Variants in MBNL2 observed in about 807,000 individuals in gnomAD.
The protein encoded by MBNL2 is muscleblind-like protein 2.
Under a neutral mutation model 41.9 loss-of-function variants are expected in MBNL2, and 17 were observed. That is an observed-to-expected ratio of 0.41 (90% CI 0.28 to 0.61). The LOEUF (loss-of-function observed/expected upper bound fraction) is 0.61, where lower values mean the gene tolerates loss of function less well. Among genes scored for constraint, MBNL2 ranks in the 20% least tolerant of loss-of-function variants. The pLI is 0.35. For missense variants in MBNL2, 336 were observed against 505.6 expected (o/e 0.66, Z 3.22); for synonymous variants, 195 against 182.9 (o/e 1.07, Z -0.53).
the MBNL2 span, among the ~76,000 whole-genome samples, chr13:97,174,003 A>G: frequency 6.6e-6 from 1 of 152,188 alleles, no homozygotes; most frequent in Admixed American, 6.5e-5. Flanking sequence ...TCACTAGTTT[A>G]TAAGTTCTTT....
intron 8 of MBNL2, among the ~76,000 whole-genome samples, chr13:97,382,909 C>G (rs1157707824): frequency 1.3e-5 from 2 of 151,828 alleles, no homozygotes; most frequent in Non-Finnish European, 2.9e-5. Flanking sequence ...TTGATTTTAC[C>G]TTTTCTGGCA....
At chr13:97,172,330 T>C in the MBNL2 span, 8 of 152,188 alleles carry the variant, frequency 5.3e-5, 1 homozygote, top group Admixed American at 2.6e-4. Context: ...GGTAAAGTGC[T>C]AGCAATCTAT....
upstream of MBNL2, among the ~76,000 whole-genome samples, chr13:97,218,031 A>G (rs927950858): frequency 2.0e-5 from 3 of 152,198 alleles, no homozygotes; most frequent in Admixed American, 2.0e-4. Flanking sequence ...TGATGCTTTC[A>G]CTTATTGAAA....
In MBNL2 at chr13:97,268,021, A is replaced by G. The variant is rs1048844310; in HGVS notation, c.-604-7611A>G. Among the ~76,000 whole-genome samples, 1 of 152,188 alleles carries G rather than the reference A, an allele frequency of 6.6e-6. No homozygotes were observed. The highest frequency in any genetic ancestry group is 2.1e-4 in the South Asian group (1 of 4,838). Reference sequence around the variant, plus strand: ...GATTGCTCGTCCTCGTTGTCAGGGTATCTGATCCAGGACCTTGGTGGTGGG... The same window carrying G: ...GATTGCTCGTCCTCGTTGTCAGGGTGTCTGATCCAGGACCTTGGTGGTGGG... On this transcript the variant is annotated intron_variant, in intron 1 of 8. Coordinates refer to ENST00000679496, the MANE Select transcript of MBNL2 (RefSeq NM_001382683.1). This position sits in a 1 kb window ranked among gnomAD's most constrained non-coding sequence, Gnocchi z 4.6.
At chr13:97,171,935 T>C in the MBNL2 span, among the ~76,000 whole-genome samples, 1 of 152,180 alleles carries the variant, frequency 6.6e-6, no homozygotes, top group Non-Finnish European at 1.5e-5. Context: ...CCTGCTGCTA[T>C]GTAAGATGTG....
the MBNL2 span, among the ~76,000 whole-genome samples, chr13:97,157,294 G>A: frequency 4.2e-5 from 6 of 143,422 alleles, no homozygotes; most frequent in South Asian, 2.4e-4. Context: ...GAGATTTTGG[G>A]CTGAGACAAT....
the MBNL2 span, among the ~76,000 whole-genome samples, chr13:97,207,398 G>A: frequency 2.0e-5 from 3 of 152,160 alleles, no homozygotes; most frequent in Non-Finnish European, 4.4e-5. Context: ...ACAGTTCCAC[G>A]TGGCTGGGGA....
intron 2 of MBNL2, among the ~76,000 whole-genome samples, chr13:97,286,445 A>G (rs1445507017): frequency 6.6e-6 from 1 of 152,184 alleles, no homozygotes; most frequent in African/African-American, 2.4e-5. Context: ...CCCCAGTCCA[A>G]ACCACCATCG....
At chr13:97,149,788 A>G in the MBNL2 span, among the ~76,000 whole-genome samples, 1 of 152,196 alleles carries the variant, frequency 6.6e-6, no homozygotes, top group Admixed American at 6.5e-5. Flanking sequence ...CCACCCCTAC[A>G]GTTTTTTCTA....
chr13:97,367,525 G>A (rs959567345), intron 8 of MBNL2, among the ~76,000 whole-genome samples: 2 of 152,172 alleles, frequency 1.3e-5, no homozygotes, highest in South Asian at 2.1e-4. Context: ...GGGGGATCAC[G>A]GCAGTCCCAA....
intron 2 of MBNL2, among the ~76,000 whole-genome samples, chr13:97,313,993 T>C (rs2058823326): frequency 6.6e-6 from 1 of 152,190 alleles, no homozygotes; most frequent in South Asian, 2.1e-4. Context: ...TGGAAACCTC[T>C]CAGTAATATG....
At chr13:97,217,699 C>G (rs2040491802), upstream of MBNL2, among the ~76,000 whole-genome samples, 1 of 152,096 alleles carries the variant, frequency 6.6e-6, no homozygotes, top group African/African-American at 2.4e-5. Flanking sequence ...TAGTTGGGAA[C>G]TAGTTAGGGG....
intron 3 of MBNL2, among the ~76,000 whole-genome samples, chr13:97,338,705 A>G (rs571176379): frequency 6.6e-6 from 1 of 152,130 alleles, no homozygotes; most frequent in Non-Finnish European, 1.5e-5. Flanking sequence ...AGCGACCTTT[A>G]GGAGGATGGA....
chr13:97,144,781 G>A, the MBNL2 span, among the ~76,000 whole-genome samples: 8 of 152,196 alleles, frequency 5.3e-5, no homozygotes, highest in East Asian at 1.9e-4. Flanking sequence ...ACATGACGGC[G>A]GAGGATGAGG....
chr13:97,157,831 A>G, the MBNL2 span, among the ~76,000 whole-genome samples: 4 of 151,912 alleles, frequency 2.6e-5, no homozygotes, highest in East Asian at 7.7e-4. Context: ...ATCAATGTTC[A>G]TCAAGGATAT....
intron 2 of MBNL2, among the ~76,000 whole-genome samples, chr13:97,294,433 T>C (rs180781392): frequency 1.3e-5 from 2 of 152,380 alleles, no homozygotes; most frequent in East Asian, 3.9e-4. Flanking sequence ...TTTAAGAATA[T>C]GGAAGTGTTA....
intron 8 of MBNL2, among the ~76,000 whole-genome samples, chr13:97,368,347 G>T (rs954164317): frequency 1.3e-5 from 2 of 151,758 alleles, no homozygotes; most frequent in Non-Finnish European, 2.9e-5. Flanking sequence ...TGGGGAGGTC[G>T]AGGCTGCAGT....
In MBNL2 at chr13:97,366,395, C is replaced by A; in HGVS notation, c.1048+1224C>A. 1.3e-6 allele frequency: 1 copy of A among 779,452 alleles called. No homozygotes were observed. The allele number at this position is 779,452 out of a possible 1,614,324, so 48.3% of individuals were successfully genotyped here. A position where few individuals can be genotyped will look rare whatever the true frequency, so the allele number is the denominator to read the frequency against. On this transcript the variant is annotated intron_variant, in intron 8 of 8. Coordinates refer to ENST00000679496, the MANE Select transcript of MBNL2 (RefSeq NM_001382683.1). The surrounding 1 kb of genome is among the most constrained non-coding windows in gnomAD (Gnocchi z 4.7). The stretch of plus-strand genomic sequence containing the variant: ...CTCTGATATTCACCATGCCAAAATA[C>A]CACTTCTATTACCATAATGCTACAC...
chr13:97,305,548 G>A (rs2153009314), intron 2 of MBNL2, among the ~76,000 whole-genome samples: 1 of 152,236 alleles, frequency 6.6e-6, no homozygotes. Flanking sequence ...CTGATCACTT[G>A]AGCCCAGGAG....
Sources: gnomAD v4.1 joint callset for allele counts (sites outside exome capture counted in the v4.1 genomes callset) on GRCh38, gnomAD v4.1.1 for gene constraint, Gnocchi (gnomAD v3.1) non-coding constraint, MANE v1.5 for transcripts, NCBI Gene and HGNC (gene_info 2026-07-23, HGNC 2026-07-21) for gene names.